Variants in NELL1 observed in about 807,000 individuals in gnomAD.
NELL1 encodes the protein protein kinase C-binding protein NELL1.
Under a neutral mutation model 107.4 loss-of-function variants are expected in NELL1, and 76 were observed. The observed-to-expected ratio is 0.71, with a 90% CI of 0.59 to 0.86. The LOEUF is 0.86. Ranked by LOEUF, NELL1 falls within the 40% of genes least tolerant of loss-of-function variation. The pLI is 0.00. For synonymous variants in NELL1, 353 were observed against 341.2 expected (o/e 1.03, Z -0.38); for missense variants, 1,024 against 1,005.5 (o/e 1.02, Z -0.25).
intron 3 of NELL1, among the ~76,000 whole-genome samples, chr11:20,790,983 G>A (rs977817199): frequency 1.3e-5 from 2 of 152,170 alleles, no homozygotes; most frequent in African/African-American, 4.8e-5. Context: ...GATTATTGCA[G>A]TTTTGTAGTA....
intron 13 of NELL1, among the ~76,000 whole-genome samples, chr11:21,117,206 AT>A (rs2133735457): frequency 6.6e-6 from 1 of 152,066 alleles, no homozygotes; most frequent in East Asian, 1.9e-4. Context: ...TCCATGATCA[AT>A]ATAAATAGCC....
intron 12 of NELL1, among the ~76,000 whole-genome samples, chr11:21,095,194 A>G (rs1854612154): frequency 6.6e-6 from 1 of 152,182 alleles, no homozygotes; most frequent in East Asian, 1.9e-4. Flanking sequence ...GCTAAAACAT[A>G]ACAAGAGTCA....
intron 2 of NELL1, among the ~76,000 whole-genome samples, chr11:20,691,433 C>T (rs1854462878): frequency 6.6e-6 from 1 of 151,746 alleles, no homozygotes; most frequent in South Asian, 2.1e-4. Context: ...TCATAGATAG[C>T]TCTTATTATT....
intron 14 of NELL1, among the ~76,000 whole-genome samples, chr11:21,335,961 A>C (rs1850381086): frequency 6.6e-6 from 1 of 152,136 alleles, no homozygotes; most frequent in Non-Finnish European, 1.5e-5. Flanking sequence ...ATAGTTTACT[A>C]CAAATCTGTT....
intron 10 of NELL1, 44 bp from the exon 11 acceptor site, chr11:20,947,292 A>G (rs1850981675): frequency 7.3e-7 from 1 of 1,360,670 alleles, no homozygotes; most frequent in Non-Finnish European, 1.1e-6. Flanking sequence ...TCCATTGACT[A>G]AAAATGTGAA....
At chr11:20,946,322 C>A (rs968029309) in intron 10 of NELL1, among the ~76,000 whole-genome samples, 1 of 152,054 alleles carries the variant, frequency 6.6e-6, no homozygotes, top group Non-Finnish European at 1.5e-5. Context: ...ACTTAAGCAT[C>A]CCCTTAAAAA....
At chr11:20,996,029 T>A (rs1401100230) in intron 12 of NELL1, among the ~76,000 whole-genome samples, 2 of 152,250 alleles carry the variant, frequency 1.3e-5, no homozygotes, top group Non-Finnish European at 2.9e-5. Flanking sequence ...TGTATTAGTC[T>A]TCAGGTATCA....
intron 14 of NELL1, among the ~76,000 whole-genome samples, chr11:21,277,376 A>T (rs1590797097): frequency 2.0e-5 from 3 of 150,986 alleles, no homozygotes; most frequent in South Asian, 4.3e-4. Flanking sequence ...CTAGAATGGC[A>T]ATCATTAAAA....
chr11:20,978,490 T>A (rs1320816107), intron 12 of NELL1, among the ~76,000 whole-genome samples: 2 of 152,084 alleles, frequency 1.3e-5, no homozygotes, highest in African/African-American at 4.8e-5. Context: ...AAATGAGGGA[T>A]TTTGCCTGTT....
chr11:21,286,591 C>T (rs1849121374), intron 14 of NELL1, among the ~76,000 whole-genome samples: 2 of 152,208 alleles, frequency 1.3e-5, no homozygotes, highest in African/African-American at 4.8e-5. Flanking sequence ...TAACAAAAGA[C>T]AGTGGCCCAG....
chr11:20,975,914 TA>T lies in NELL1; in HGVS notation c.1300+15357del, dbSNP rs1218692659. 1.1e-4 allele frequency among the ~76,000 whole-genome samples: 15 copies of T among 134,050 alleles called. 1 individual carries two copies. Among genetic ancestry groups the T allele is most frequent in the Admixed American group, 3.3e-4 (4 of 12,180 alleles). The allele number at this position is 134,050 out of a possible 152,430, so 87.9% of individuals were successfully genotyped here. A position where few individuals can be genotyped will look rare whatever the true frequency, so the allele number is the denominator to read the frequency against. ...TATATATACATATATGTGTATTATA[TA>T]AACACACATATATGTACATATATGT... is the stretch of plus-strand genomic sequence containing the variant. On this transcript the variant is annotated intron_variant, in intron 12 of 19. Transcript: ENST00000357134.
rs531244913 is a variant in NELL1, at chr11:20,879,024, G to A, written c.507-6420G>A. Among the ~76,000 whole-genome samples, 3 of 152,332 alleles carry A rather than the reference G, an allele frequency of 2.0e-5. No homozygotes were observed. The South Asian group carries it at 6.2e-4, about 32-fold the overall frequency. The stretch of plus-strand genomic sequence containing the variant: ...TCTAGTGCAGGAGATATCTAAGCAG[G>A]TACAGGAATGCTGTGGTCAGTGTTC... On this transcript the variant is annotated intron_variant, in intron 4 of 19. Transcript: ENST00000357134.
chr11:21,520,129 T>C (rs1008755386), intron 15 of NELL1, among the ~76,000 whole-genome samples: 3 of 152,130 alleles, frequency 2.0e-5, no homozygotes, highest in African/African-American at 7.2e-5. Flanking sequence ...CTTCCGCCAA[T>C]ACATCCATCT....
chr11:21,252,331 G>T (rs1431889319), intron 14 of NELL1, among the ~76,000 whole-genome samples: 1 of 151,980 alleles, frequency 6.6e-6, no homozygotes, highest in Non-Finnish European at 1.5e-5. Flanking sequence ...ATTGGTTTTG[G>T]GGGCAGGTAT....
intron 2 of NELL1, among the ~76,000 whole-genome samples, chr11:20,738,675 A>T (rs1855818490): frequency 6.6e-6 from 1 of 152,208 alleles, no homozygotes; most frequent in South Asian, 2.1e-4. Flanking sequence ...TTGACCTTGG[A>T]TCATGTCCCC....
chr11:21,298,309 A>G (rs1849416739), intron 14 of NELL1, among the ~76,000 whole-genome samples: 1 of 151,898 alleles, frequency 6.6e-6, no homozygotes, highest in African/African-American at 2.4e-5. Context: ...TCATGATTCT[A>G]TCTCAATGTC....
chr11:21,281,183 AACATCATTTCTGG>A (rs1480537269), intron 14 of NELL1, among the ~76,000 whole-genome samples: 1 of 151,712 alleles, frequency 6.6e-6, no homozygotes, highest in African/African-American at 2.4e-5. Flanking sequence ...CCAGCTCCTG[AACATCATTTCTGG>A]ACACCCCCCG....
intron 9 of NELL1, among the ~76,000 whole-genome samples, chr11:20,933,388 G>A (rs1229198259): frequency 1.3e-5 from 2 of 152,230 alleles, no homozygotes; most frequent in Non-Finnish European, 2.9e-5. Context: ...GACTCACGGT[G>A]TGATTAACAG....
intron 3 of NELL1, among the ~76,000 whole-genome samples, chr11:20,808,019 A>G (rs1051925650): frequency 5.3e-5 from 8 of 152,166 alleles, no homozygotes; most frequent in African/African-American, 9.7e-5. Flanking sequence ...GGGGACCCCA[A>G]TAGCCTGCTT....
Sources: allele counts gnomAD v4.1 joint callset (sites outside exome capture counted in the v4.1 genomes callset), GRCh38; gene constraint gnomAD v4.1.1; transcripts MANE v1.5; gene names NCBI Gene and HGNC (gene_info 2026-07-23, HGNC 2026-07-21).